DNAAF4: variants seen among roughly 807,000 people sequenced by gnomAD.
The protein encoded by DNAAF4 is dynein assembly factor 4, axonemal.
In DNAAF4, 43 loss-of-function variants were observed where a neutral mutation model predicts 51.8. The observed-to-expected ratio is 0.83, with a 90% CI of 0.65 to 1.07. The LOEUF (loss-of-function observed/expected upper bound fraction) is 1.07. DNAAF4 is among the 50% of genes least tolerant of loss of function. The pLI is 0.00. For synonymous variants in DNAAF4, 194 were observed against 165.6 expected, an observed-to-expected ratio of 1.17 and a Z score of -1.32; for missense variants, 581 against 493.0, an observed-to-expected ratio of 1.18 and a Z score of -1.69.
At chr15:55,427,831 C>G (rs2057445837), downstream of DNAAF4, among the ~76,000 whole-genome samples, 1 of 151,792 alleles carries the variant, frequency 6.6e-6, no homozygotes, top group Admixed American at 6.6e-5. Flanking sequence ...GACAGGGTGT[C>G]TCCATGTTGG....
intron 7 of DNAAF4, among the ~76,000 whole-genome samples, chr15:55,421,732 C>A (rs916786609): frequency 4.7e-5 from 7 of 150,496 alleles, no homozygotes; most frequent in Admixed American, 1.3e-4. Context: ...ACTAAAAATA[C>A]AAAAAAAATT....
rs1414607834 is a variant in DNAAF4 at position 55,430,604 on chromosome 15, T to C, written c.*66A>G. ...CGATTCTGTACAACTGGCCATAATA[T>C]GTACAAAGATGCCTCCAGTTGTTTT... On this transcript the variant is annotated 3_prime_UTR_variant, in exon 10 of 10. Transcript: ENST00000321149. 3 of 1,553,952 alleles carry C rather than the reference T, an allele frequency of 1.9e-6. No individual in the cohort carries two copies. The highest frequency in any genetic ancestry group is 1.4e-5 in the African/African-American group (1 of 72,850).
At chr15:55,503,874 A>G (rs1444980277) in intron 1 of DNAAF4, among the ~76,000 whole-genome samples, 1 of 152,208 alleles carries the variant, frequency 6.6e-6, no homozygotes, top group Non-Finnish European at 1.5e-5. Flanking sequence ...CAAGACAAGG[A>G]TGCCCTCTCT....
At chr15:55,482,019 A>C (rs747407190) in intron 4 of DNAAF4, among the ~76,000 whole-genome samples, 4 of 152,234 alleles carry the variant, frequency 2.6e-5, no homozygotes, top group African/African-American at 4.8e-5. Flanking sequence ...ACCTGAAAGA[A>C]CATTGCAATC....
At chr15:55,473,199 ATATATATAT>A (rs1387671411) in intron 4 of DNAAF4, among the ~76,000 whole-genome samples, 2 of 20,902 alleles carry the variant, frequency 9.6e-5, no homozygotes, top group African/African-American at 3.1e-4. Flanking sequence ...AAAAAAAAAA[ATATATATAT>A]ATATATATAT....
intron 6 of DNAAF4, among the ~76,000 whole-genome samples, chr15:55,447,849 G>A (rs1301046598): frequency 8.7e-6 from 1 of 115,140 alleles, no homozygotes; most frequent in Non-Finnish European, 1.9e-5. Context: ...AGGGGAGAGG[G>A]CAGAGGGGAG....
intron 7 of DNAAF4, among the ~76,000 whole-genome samples, chr15:55,423,770 T>C (rs1382118515): frequency 1.3e-5 from 2 of 151,996 alleles, no homozygotes; most frequent in Non-Finnish European, 2.9e-5. Flanking sequence ...CTGGCCAATA[T>C]GGTGAAATGC....
intron 3 of DNAAF4, 124 bp from the exon 4 acceptor site, chr15:55,491,380 A>T: frequency 3.0e-6 from 3 of 1,001,430 alleles, no homozygotes; most frequent in Non-Finnish European, 4.3e-6. Flanking sequence ...AGGAACATGG[A>T]AAATATTTTT....
chr15:55,471,815 C>A (rs1394547028), intron 4 of DNAAF4, among the ~76,000 whole-genome samples: 1 of 149,436 alleles, frequency 6.7e-6, no homozygotes, highest in Non-Finnish European at 1.5e-5. Context: ...GCCCAGCCAA[C>A]AATTCTTAAA....
At chr15:55,446,277 GCGCTCCT>G (rs2057808717) in intron 6 of DNAAF4, among the ~76,000 whole-genome samples, 1 of 110,020 alleles carries the variant, frequency 9.1e-6, no homozygotes, top group Admixed American at 1.1e-4. Context: ...CCGGGCAGAG[GCGCTCCT>G]CACATCCCAG....
intron 6 of DNAAF4, chr15:55,442,703 C>G: frequency 2.7e-6 from 4 of 1,475,122 alleles, no homozygotes; most frequent in Non-Finnish European, 3.8e-6. Context: ...GTCTTCTCAT[C>G]AACACTCTGA....
intron 4 of DNAAF4, among the ~76,000 whole-genome samples, chr15:55,482,653 T>G (rs912240704): frequency 2.6e-5 from 4 of 152,136 alleles, no homozygotes; most frequent in African/African-American, 4.8e-5. Flanking sequence ...CACTCCAGCC[T>G]GGGCAACAGA....
chr15:55,484,487 G>GGA (rs1491223760), intron 4 of DNAAF4, among the ~76,000 whole-genome samples: 2 of 104,594 alleles, frequency 1.9e-5, no homozygotes, highest in East Asian at 3.1e-4. Flanking sequence ...TCCGTCTCAG[G>GGA]AAAAAAAAAA....
At chr15:55,456,139 G>A (rs991124297) in intron 5 of DNAAF4, among the ~76,000 whole-genome samples, 1 of 151,298 alleles carries the variant, frequency 6.6e-6, no homozygotes, top group Non-Finnish European at 1.5e-5. Context: ...GAGTGCAATG[G>A]CAAGATCTCG....
chr15:55,505,503 C>T (rs1286946257), intron 1 of DNAAF4, among the ~76,000 whole-genome samples: 1 of 152,164 alleles, frequency 6.6e-6, no homozygotes, highest in African/African-American at 2.4e-5. Context: ...ATAGCAAAGA[C>T]TTGGAACCAA....
In DNAAF4 at chr15:55,431,087, G is replaced by A. The variant is rs537198661; in HGVS notation, c.1154-308C>T. Among the ~76,000 whole-genome samples, 1,191 of 151,832 alleles carry A rather than the reference G, an allele frequency of 7.8e-3. 13 individuals are homozygous for A. Among genetic ancestry groups the A allele is most frequent in the African/African-American group, 0.024 (998 of 41,418 alleles). On this transcript the variant is annotated intron_variant, in intron 9 of 9. Coordinates refer to ENST00000321149, the MANE Select transcript of DNAAF4 (RefSeq NM_130810.4). ...TGCCACCACACCTGGCTAATTTTTTGTATTTTTAGTAGAGATGGGGTTTCA... is the reference window on the plus strand; with the variant it reads ...TGCCACCACACCTGGCTAATTTTTTATATTTTTAGTAGAGATGGGGTTTCA...
chr15:55,467,570 T>C (rs925662649), intron 4 of DNAAF4, among the ~76,000 whole-genome samples: 3 of 119,566 alleles, frequency 2.5e-5, no homozygotes, highest in African/African-American at 5.8e-5. Context: ...CACACACACA[T>C]CCCAACACAT....
At chr15:55,426,452 T>C (rs2057431428), downstream of DNAAF4, among the ~76,000 whole-genome samples, 1 of 152,174 alleles carries the variant, frequency 6.6e-6, no homozygotes, top group Non-Finnish European at 1.5e-5. Flanking sequence ...GTTCAGCCTA[T>C]GCACAGGAAG....
At position 55,454,255 on chromosome 15, in the gene DNAAF4, C is replaced by T. The variant is rs113112798; in HGVS notation, c.638-3888G>A. On this transcript the variant is annotated intron_variant, in intron 5 of 9. Transcript: ENST00000321149. ...GGTGGAGGTTGCAGTGAGCTGAGAT[C>T]GTGCCACTGCACTCCAGCATGGACA... is the stretch of plus-strand genomic sequence containing the variant. Among the ~76,000 whole-genome samples, 727 of 151,190 alleles carry T rather than the reference C, an allele frequency of 4.8e-3. 2 individuals are homozygous for T. The highest frequency in any genetic ancestry group is 0.017 in the African/African-American group (694 of 41,248).
Sources: allele counts gnomAD v4.1 joint callset (sites outside exome capture counted in the v4.1 genomes callset), GRCh38; gene constraint gnomAD v4.1.1; transcripts MANE v1.5; gene names NCBI Gene and HGNC (gene_info 2026-07-23, HGNC 2026-07-21).